The following PTPRN2 variants were observed in gnomAD, a reference collection of about 807,000 sequenced individuals.
PTPRN2 encodes the protein receptor-type tyrosine-protein phosphatase N2.
In PTPRN2, 74 loss-of-function variants were observed where a neutral mutation model predicts 118.8. That is an observed-to-expected ratio of 0.62 (90% CI 0.52 to 0.76). The LOEUF (loss-of-function observed/expected upper bound fraction) is 0.76, where lower values mean the gene tolerates loss of function less well. Ranked by LOEUF, PTPRN2 falls within the 30% of genes least tolerant of loss-of-function variation. PTPRN2 has a pLI of 0.00. For synonymous variants in PTPRN2, 641 were observed against 608.0 expected (o/e 1.05, Z -0.80); for missense variants, 1,481 against 1,394.4 (o/e 1.06, Z -0.99).
rs1045631973 is a variant in PTPRN2 at position 157,893,009 on chromosome 7, G to A, written c.1788+5664C>T. Among the ~76,000 whole-genome samples the A allele has an allele frequency of 2.0e-5, 3 of 152,232 alleles. No individual in the cohort carries two copies. The highest frequency in any genetic ancestry group is 7.2e-5 in the African/African-American group (3 of 41,466). ...GGCCCTCTGGGCACGATGTCCGTGG[G>A]GTCAAGAGCTCGAGAAGAACCATCT... On this transcript the variant is annotated intron_variant, in intron 12 of 22. Transcript: ENST00000389418. The surrounding 1 kb of genome is among the most constrained non-coding windows in gnomAD (Gnocchi z 4.0).
chr7:157,741,844 T>C (rs1417800412), intron 12 of PTPRN2, among the ~76,000 whole-genome samples: 3 of 152,236 alleles, frequency 2.0e-5, no homozygotes, highest in Non-Finnish European at 4.4e-5. Context: ...CCTAGCTCAG[T>C]TACTTCTCTG....
chr7:157,999,488 C>G (rs990147639), intron 11 of PTPRN2, among the ~76,000 whole-genome samples: 13 of 152,196 alleles, frequency 8.5e-5, no homozygotes, highest in African/African-American at 3.1e-4. Flanking sequence ...CTCTTGCCCA[C>G]TTACCCTGCG....
At chr7:157,923,447 C>T (rs1001369328) in intron 11 of PTPRN2, among the ~76,000 whole-genome samples, 1 of 152,196 alleles carries the variant, frequency 6.6e-6, no homozygotes, top group Admixed American at 6.5e-5. Context: ...TCTTTCCCCT[C>T]GCGAGGCAGA....
intron 6 of PTPRN2, among the ~76,000 whole-genome samples, chr7:158,151,617 C>G (rs1821170230): frequency 6.6e-6 from 1 of 152,186 alleles, no homozygotes. Context: ...CCTTCAGGGA[C>G]AGATGAGAGC....
chr7:157,773,424 C>T (rs969230965), intron 12 of PTPRN2, among the ~76,000 whole-genome samples: 4 of 152,242 alleles, frequency 2.6e-5, no homozygotes, highest in African/African-American at 7.2e-5. Context: ...ACGAGCTCTG[C>T]AGTCCCCACA....
intron 9 of PTPRN2, among the ~76,000 whole-genome samples, chr7:158,121,203 C>T (rs1817147882): frequency 6.6e-6 from 1 of 152,180 alleles, no homozygotes; most frequent in African/African-American, 2.4e-5. Flanking sequence ...CCCCAGCCTC[C>T]CTGGGCCTCC....
At chr7:158,361,697 C>G (rs945810589) in intron 2 of PTPRN2, among the ~76,000 whole-genome samples, 2 of 152,150 alleles carry the variant, frequency 1.3e-5, no homozygotes, top group Admixed American at 1.3e-4. Flanking sequence ...CCGGACCCTC[C>G]TGGGGGATCC....
chr7:158,321,982 C>A (rs546581460), intron 2 of PTPRN2, among the ~76,000 whole-genome samples: 5 of 152,228 alleles, frequency 3.3e-5, no homozygotes, highest in African/African-American at 4.8e-5. Flanking sequence ...AAGCCTAACC[C>A]CCAGGTGCTC....
rs1421749511 is a variant in PTPRN2 at position 157,966,609 on chromosome 7, CCAT to C, written c.1724-67875_1724-67873del. Among the ~76,000 whole-genome samples the C allele has an allele frequency of 5.4e-5, 8 of 147,724 alleles. No individual in the cohort carries two copies. The East Asian group carries it at 6.2e-4, about 11-fold the overall frequency. ...ATTACCATCACTACTATCACCATCA[CCAT>C]CATCATCTTTATGATCACCATTATC... On this transcript the variant is annotated intron_variant, in intron 11 of 22. Transcript: ENST00000389418.
intron 12 of PTPRN2, among the ~76,000 whole-genome samples, chr7:157,807,331 A>C (rs768951343): frequency 6.6e-6 from 1 of 152,212 alleles, no homozygotes; most frequent in Non-Finnish European, 1.5e-5. Context: ...GGAAGCCACA[A>C]GACGGCTGCT....
At chr7:157,665,303 C>T (rs982303612) in intron 13 of PTPRN2, among the ~76,000 whole-genome samples, 3 of 152,236 alleles carry the variant, frequency 2.0e-5, no homozygotes, top group African/African-American at 7.2e-5. Flanking sequence ...TGCAGCTTGG[C>T]GACCTTGAGT....
intron 11 of PTPRN2, among the ~76,000 whole-genome samples, chr7:158,002,848 G>T (rs549571170): frequency 6.6e-6 from 1 of 152,362 alleles, no homozygotes; most frequent in Admixed American, 6.5e-5. Flanking sequence ...GTGAGGTGGG[G>T]AGCTGGCCTG....
chr7:158,150,995 C>G (rs1820976943), intron 6 of PTPRN2, among the ~76,000 whole-genome samples: 1 of 151,948 alleles, frequency 6.6e-6, no homozygotes, highest in Non-Finnish European at 1.5e-5. Context: ...CTCTCAGCAC[C>G]TCATGCTGCC....
At chr7:158,417,710 C>T (rs777170385) in intron 2 of PTPRN2, among the ~76,000 whole-genome samples, 4 of 72,248 alleles carry the variant, frequency 5.5e-5, no homozygotes, top group South Asian at 5.8e-4. Flanking sequence ...TGCTCTAGCT[C>T]TCAGTGTCCC....
chr7:157,698,209 A>G (rs1797903521), intron 12 of PTPRN2, among the ~76,000 whole-genome samples: 1 of 152,284 alleles, frequency 6.6e-6, no homozygotes, highest in Non-Finnish European at 1.5e-5. Context: ...GAGAAATGCT[A>G]AAATTATTTT....
At chr7:157,749,865 A>T (rs1638761) in intron 12 of PTPRN2, among the ~76,000 whole-genome samples, 14 of 125,688 alleles carry the variant, frequency 1.1e-4, no homozygotes, top group African/African-American at 2.6e-4. Flanking sequence ...GGTGATTCTG[A>T]GGCCTGTGTC....
chr7:158,359,206 TACTC>T (rs1209186960), intron 2 of PTPRN2, among the ~76,000 whole-genome samples: 1 of 152,226 alleles, frequency 6.6e-6, no homozygotes, highest in African/African-American at 2.4e-5. Context: ...ACGCTATCAA[TACTC>T]ACAACTTTAA....
intron 9 of PTPRN2, 69 bp downstream of exon 9, chr7:158,133,608 C>A: frequency 1.3e-6 from 2 of 1,498,684 alleles, no homozygotes; most frequent in Non-Finnish European, 1.8e-6. Context: ...CAAGGAGGCG[C>A]CCCACCTCCA....
rs914963945 is a variant in PTPRN2, at chr7:158,529,378, A to C, written c.113-39593T>G. Among the ~76,000 whole-genome samples the C allele has an allele frequency of 4.6e-5, 7 of 152,148 alleles. No individual in the cohort carries two copies. Among genetic ancestry groups the C allele is most frequent in the Non-Finnish European group, 8.8e-5 (6 of 68,024 alleles). The stretch of plus-strand genomic sequence containing the variant: ...CAAGCATTGGCTGTGTCGGCAGAGG[A>C]AGGTGGGAAGGCCCAGGGGAGGCCA... On this transcript the variant is annotated intron_variant, in intron 1 of 22. Transcript: ENST00000389418. This position sits in a 1 kb window ranked among gnomAD's most constrained non-coding sequence, Gnocchi z 4.7.
Sources: gnomAD v4.1 joint callset for allele counts (sites outside exome capture counted in the v4.1 genomes callset) on GRCh38, gnomAD v4.1.1 for gene constraint, Gnocchi (gnomAD v3.1) non-coding constraint, MANE v1.5 for transcripts, NCBI Gene and HGNC (gene_info 2026-07-23, HGNC 2026-07-21) for gene names.